Variants in AGMO observed in about 807,000 individuals in gnomAD.
The protein encoded by AGMO is alkylglycerol monooxygenase, also known as glyceryl-ether monooxygenase.
AGMO carries 75 observed loss-of-function variants against 60.2 expected under a neutral mutation model. The observed-to-expected ratio is 1.25, with a 90% CI of 1.03 to 1.51. AGMO has a LOEUF of 1.51. AGMO is among the 40% of genes most tolerant of loss of function. The probability of loss-of-function intolerance (pLI) is 0.00; values close to 1 mark genes in which losing one functional copy is unlikely to be tolerated. For synonymous variants in AGMO, 261 were observed against 177.1 expected, an observed-to-expected ratio of 1.47 and a Z score of -3.76; for missense variants, 763 against 525.5, an observed-to-expected ratio of 1.45 and a Z score of -4.42.
chr7:15,379,863 A>G (rs919397803), intron 10 of AGMO, among the ~76,000 whole-genome samples: 3 of 152,144 alleles, frequency 2.0e-5, no homozygotes, highest in Admixed American at 1.3e-4. Context: ...AACATACACA[A>G]ATCAGTCAAT....
chr7:15,446,250 C>A (rs1173271169), intron 3 of AGMO, among the ~76,000 whole-genome samples: 3 of 152,122 alleles, frequency 2.0e-5, no homozygotes, highest in African/African-American at 7.2e-5. Flanking sequence ...TCATAGATAA[C>A]AAGACAAATT....
At chr7:15,216,781 T>C (rs974006596) in intron 12 of AGMO, among the ~76,000 whole-genome samples, 18 of 151,782 alleles carry the variant, frequency 1.2e-4, no homozygotes, top group Admixed American at 7.9e-4. Flanking sequence ...CACATATCAA[T>C]TGAGCATGCA....
chr7:15,422,168 C>CA (rs899216891), intron 4 of AGMO, among the ~76,000 whole-genome samples: 2 of 151,710 alleles, frequency 1.3e-5, no homozygotes, highest in African/African-American at 4.8e-5. Context: ...GAGGAGGTAA[C>CA]AAAATGAAAA....
intron 3 of AGMO, among the ~76,000 whole-genome samples, chr7:15,508,759 T>C (rs1783594541): frequency 6.6e-6 from 1 of 151,992 alleles, no homozygotes; most frequent in Non-Finnish European, 1.5e-5. Flanking sequence ...TTTTAACATT[T>C]AGAGAGGGGA....
chr7:15,341,968 G>A (rs117762636), intron 12 of AGMO, among the ~76,000 whole-genome samples: 2 of 151,800 alleles, frequency 1.3e-5, no homozygotes, highest in South Asian at 2.1e-4. Context: ...ATGGCACGTA[G>A]GGATAATGGG....
chr7:15,365,026 CAGA>C (rs1562460479), intron 12 of AGMO, among the ~76,000 whole-genome samples: 1 of 151,964 alleles, frequency 6.6e-6, no homozygotes, highest in East Asian at 1.9e-4. Flanking sequence ...TTAACCATCA[CAGA>C]AGAACATATT....
At chr7:15,291,844 G>A (rs1784272096) in intron 12 of AGMO, among the ~76,000 whole-genome samples, 1 of 152,136 alleles carries the variant, frequency 6.6e-6, no homozygotes, top group Non-Finnish European at 1.5e-5. Flanking sequence ...GAGCAATGAA[G>A]GCAAAACAGG....
At chr7:15,215,362 CTCTCTTTTTTTTCT>C (rs954283502) in intron 12 of AGMO, among the ~76,000 whole-genome samples, 2 of 151,458 alleles carry the variant, frequency 1.3e-5, no homozygotes, top group Non-Finnish European at 2.9e-5. Flanking sequence ...CTTTTTTTTC[CTCTCTTTTTTTTCT>C]TTACTGTGAT....
the AGMO span, among the ~76,000 whole-genome samples, chr7:15,120,625 G>A: frequency 6.6e-6 from 1 of 152,014 alleles, no homozygotes; most frequent in Non-Finnish European, 1.5e-5. Context: ...ACCTCACCTA[G>A]AAATAAATCA....
At chr7:15,394,694 T>A (rs1437991896) in intron 5 of AGMO, among the ~76,000 whole-genome samples, 8 of 152,142 alleles carry the variant, frequency 5.3e-5, no homozygotes, top group Admixed American at 3.9e-4. Flanking sequence ...ACAACTGTGT[T>A]ATGTTTCCCG....
chr7:15,406,033 T>C (rs904830778), intron 5 of AGMO, among the ~76,000 whole-genome samples: 1 of 151,852 alleles, frequency 6.6e-6, no homozygotes, highest in Admixed American at 6.6e-5. Flanking sequence ...CATTTTTTAA[T>C]AAAGATTCAT....
intron 10 of AGMO, among the ~76,000 whole-genome samples, chr7:15,373,144 G>A (rs777217075): frequency 4.6e-5 from 7 of 151,866 alleles, no homozygotes; most frequent in South Asian, 2.1e-4. Flanking sequence ...GCATGGTGGC[G>A]GTACTTGCCT....
At chr7:15,277,686 T>C (rs962538408) in intron 12 of AGMO, among the ~76,000 whole-genome samples, 5 of 151,466 alleles carry the variant, frequency 3.3e-5, no homozygotes, top group African/African-American at 1.2e-4. Flanking sequence ...GGCTAATAAA[T>C]GGCAATTACA....
At chr7:15,287,850 A>C (rs1335770975) in intron 12 of AGMO, among the ~76,000 whole-genome samples, 1 of 152,128 alleles carries the variant, frequency 6.6e-6, no homozygotes, top group African/African-American at 2.4e-5. Context: ...ATGTAAAAAG[A>C]ATTTTCTCCA....
At chr7:15,464,627 T>TG (rs1782231329) in intron 3 of AGMO, among the ~76,000 whole-genome samples, 1 of 152,086 alleles carries the variant, frequency 6.6e-6, no homozygotes, top group Non-Finnish European at 1.5e-5. Context: ...AAACTTTCAG[T>TG]GAAATGGGCC....
chr7:15,301,820 T>C (rs1362873992), intron 12 of AGMO, among the ~76,000 whole-genome samples: 1 of 152,114 alleles, frequency 6.6e-6, no homozygotes, highest in Non-Finnish European at 1.5e-5. Context: ...TACTGTTAAA[T>C]TTTTAACAGC....
intron 12 of AGMO, among the ~76,000 whole-genome samples, chr7:15,217,654 C>A (rs1182184258): frequency 1.3e-5 from 2 of 151,660 alleles, no homozygotes; most frequent in Non-Finnish European, 2.9e-5. Flanking sequence ...AATGAACTGG[C>A]AAATAAAACT....
chr7:15,163,037 C>T, the AGMO span, among the ~76,000 whole-genome samples: 1 of 152,172 alleles, frequency 6.6e-6, no homozygotes, highest in African/African-American at 2.4e-5. Context: ...AGCTCATTTA[C>T]CCCCTTGGAT....
intron 12 of AGMO, among the ~76,000 whole-genome samples, chr7:15,210,178 A>G (rs1328578520): frequency 6.6e-6 from 1 of 152,212 alleles, no homozygotes; most frequent in Non-Finnish European, 1.5e-5. Context: ...CTTATGAAAT[A>G]AGATTAAAGT....
Sources: allele counts gnomAD v4.1 joint callset (sites outside exome capture counted in the v4.1 genomes callset), GRCh38; gene constraint gnomAD v4.1.1; transcripts MANE v1.5; gene names NCBI Gene and HGNC (gene_info 2026-07-23, HGNC 2026-07-21).